Variants in GTF3C1 observed in about 807,000 individuals in gnomAD.
The protein encoded by GTF3C1 is general transcription factor IIIC subunit 1, also known as general transcription factor 3C polypeptide 1.
Under a neutral mutation model 226.7 loss-of-function variants are expected in GTF3C1, and 57 were observed. That is an observed-to-expected ratio of 0.25 (90% CI 0.20 to 0.31). The LOEUF (loss-of-function observed/expected upper bound fraction) is 0.31, where lower values mean the gene tolerates loss of function less well. Among genes scored for constraint, GTF3C1 ranks in the 10% least tolerant of loss-of-function variants. GTF3C1 has a pLI of 1.00. For synonymous variants in GTF3C1, 1,090 were observed against 1,084.8 expected (o/e 1.00, Z -0.09); for missense variants, 2,217 against 2,776.1 (o/e 0.80, Z 4.53).
chr16:27,509,853 G>A (rs560847931), intron 7 of GTF3C1, among the ~76,000 whole-genome samples: 43 of 152,138 alleles, frequency 2.8e-4, no homozygotes, highest in African/African-American at 9.6e-4. Flanking sequence ...CTGAATAAAG[G>A]AGGTTTTGCT....
chr16:27,480,756 C>G, intron 27 of GTF3C1: 1 of 288,262 alleles, frequency 3.5e-6, no homozygotes, highest in Non-Finnish European at 6.6e-6. Context: ...GGCCCTGGTA[C>G]TTACAAGCAC....
At position 27,526,496 on chromosome 16, in the gene GTF3C1, A is replaced by G. The variant is rs567354971; in HGVS notation, c.973+2102T>C. 1.4e-3 allele frequency among the ~76,000 whole-genome samples: 219 copies of G among 152,344 alleles called. 3 individuals are homozygous for G. The South Asian group carries it at 0.044, about 31-fold the overall frequency. On this transcript the variant is annotated intron_variant, in intron 6 of 36. Transcript: ENST00000356183. ...CTCTTACAGGATTGCAACTTCTCAC[A>G]CAGACCATTAACCAATTCTCTTGTT... is the stretch of plus-strand genomic sequence containing the variant.
At position 27,498,750 on chromosome 16, in the gene GTF3C1, G is replaced by A. The variant is rs899204307; in HGVS notation, c.2062-17C>T. ...CAGATCCACCTGGAGAGAGAGGTTG[G>A]AGCATCCCACAGGGTGAGGGAAGAG... On this transcript the variant is annotated splice_polypyrimidine_tract_variant and intron_variant, in intron 12 of 36. Transcript: ENST00000356183. 2.3e-6 allele frequency: 3 copies of A among 1,298,082 alleles called. No individual in the cohort carries two copies. The African/African-American group carries it at 4.4e-5, about 19-fold the overall frequency. 80.4% of individuals were successfully genotyped at this position (1,298,082 alleles called of 1,614,324 possible). A position where few individuals can be genotyped will look rare whatever the true frequency, so the allele number is the denominator to read the frequency against.
Position 27,533,388 on chromosome 16 carries a change from C to T in GTF3C1, c.753-1G>A. ...CATGAGGATGTCGTATTTGCTCCTC[C>T]TGCAAGAAACACCGAGCAATTCGTT... On this transcript the variant is annotated splice_acceptor_variant, in intron 4 of 36. Transcript: ENST00000356183. LOFTEE classifies it high-confidence loss of function. 1 of 1,553,010 alleles carries T rather than the reference C, an allele frequency of 6.4e-7. No homozygotes were observed. The highest frequency in any genetic ancestry group is 8.9e-7 in the Non-Finnish European group (1 of 1,124,342).
Position 27,528,613 on chromosome 16 carries a change from A to G in GTF3C1, c.958T>C (p.Cys320Arg). ...TCTGCATTACCTTTCTTTGTCTTACAAGGTCCACATTCAGGGTGGATCTCT... is the reference window on the plus strand; with the variant it reads ...TCTGCATTACCTTTCTTTGTCTTACGAGGTCCACATTCAGGGTGGATCTCT... ...LQEIHPECGPCKTKKGTDVMV... is the reference protein window; with the variant it reads ...LQEIHPECGPRKTKKGTDVMV... The change falls in exon 6 of 37, where the codon TGT becomes CGT. Residue 320 changes from cysteine (C) to arginine (R), a missense_variant. By Grantham distance (180) the Cys-to-Arg change is radical (BLOSUM62 -3). Around this residue, in one of 12 missense-constraint regions of GTF3C1, gnomAD observed 163 missense variants for 234.3 expected, o/e 0.70. Transcript: ENST00000356183. 3 of 1,612,560 alleles carry G rather than the reference A, an allele frequency of 1.9e-6. No homozygotes were observed. The highest frequency in any genetic ancestry group is 2.5e-6 in the Non-Finnish European group (3 of 1,178,622).
At chr16:27,540,876 T>C (rs953118972) in intron 2 of GTF3C1, among the ~76,000 whole-genome samples, 3 of 152,132 alleles carry the variant, frequency 2.0e-5, no homozygotes, top group Non-Finnish European at 2.9e-5. Flanking sequence ...CAAAGTTTCC[T>C]GTTGCCCAGG....
At chr16:27,511,975 A>G (rs1309154400) in intron 6 of GTF3C1, 74 bp from the exon 7 acceptor site, 2 of 1,505,792 alleles carry the variant, frequency 1.3e-6, no homozygotes, top group African/African-American at 2.7e-5. Flanking sequence ...GGGTTCTGAA[A>G]TATCACAGCA....
At chr16:27,501,454 A>C (rs952860587) in intron 11 of GTF3C1, 110 bp from the exon 12 acceptor site, 4 of 989,492 alleles carry the variant, frequency 4.0e-6, no homozygotes, top group Non-Finnish European at 6.2e-6. Flanking sequence ...ACAAGGAAGG[A>C]TCAAACGGGG....
At chr16:27,504,758 T>C (rs913971833) in intron 10 of GTF3C1, among the ~76,000 whole-genome samples, 4 of 150,928 alleles carry the variant, frequency 2.7e-5, no homozygotes, top group Non-Finnish European at 3.0e-5. Context: ...TACAAAAAAA[T>C]ACAAAAATTA....
At chr16:27,478,603 A>G in intron 27 of GTF3C1, 72 bp from the exon 28 acceptor site, 2 of 1,023,824 alleles carry the variant, frequency 2.0e-6, no homozygotes, top group Non-Finnish European at 3.1e-6. Flanking sequence ...TGCTGGCTCA[A>G]GATGGCCATT....
intron 32 of GTF3C1, chr16:27,465,926 A>C: frequency 4.0e-6 from 1 of 252,608 alleles, no homozygotes; most frequent in Non-Finnish European, 7.8e-6. Context: ...TCATGTACCC[A>C]CTGTTCCTTA....
Position 27,471,816 on chromosome 16 carries a change from C to T in GTF3C1, c.4458G>A (p.Leu1486=), listed in dbSNP as rs770814863. The change falls in exon 30 of 37, where the codon CTG becomes CTA. Residue 1486 remains leucine, a synonymous_variant. Coordinates refer to ENST00000356183, the MANE Select transcript of GTF3C1 (RefSeq NM_001520.4). This position sits in a 1 kb window ranked among gnomAD's most constrained non-coding sequence, Gnocchi z 5.0. The part of the protein sequence containing the change: ...LVNRRRVNHT[L]GPKKNRALPF... ...GGAGGGCCCGGTTCTTCTTGGGGCC[C>T]AGCGTGTGGTTGACCCGGCGCCGGT... 1.2e-6 allele frequency: 2 copies of T among 1,614,068 alleles called. No homozygotes were observed. The highest frequency in any genetic ancestry group is 2.2e-5 in the East Asian group (1 of 44,876).
intron 6 of GTF3C1, among the ~76,000 whole-genome samples, chr16:27,525,439 A>G (rs946128921): frequency 2.6e-5 from 4 of 152,240 alleles, no homozygotes; most frequent in Non-Finnish European, 4.4e-5. Context: ...GTTTTGCTCT[A>G]GGAAGGTTTC....
Position 27,516,793 on chromosome 16 carries a change from C to T in GTF3C1, c.974-4892G>A, listed in dbSNP as rs545343147. On this transcript the variant is annotated intron_variant, in intron 6 of 36. Coordinates refer to ENST00000356183, the MANE Select transcript of GTF3C1 (RefSeq NM_001520.4). ...GACTACAGACATACACCACCATGCTCGGATCTTTTTTTTATTTGTTGTAGA... is the reference window on the plus strand; with the variant it reads ...GACTACAGACATACACCACCATGCTTGGATCTTTTTTTTATTTGTTGTAGA... Among the ~76,000 whole-genome samples, 7 of 152,282 alleles carry T rather than the reference C, an allele frequency of 4.6e-5. 1 individual carries two copies. Among genetic ancestry groups the T allele is most frequent in the African/African-American group, 1.2e-4 (5 of 41,550 alleles).
At position 27,461,934 on chromosome 16, in the gene GTF3C1, G is replaced by C; in HGVS notation, c.6117+360C>G. The C allele has an allele frequency of 2.6e-6, 1 of 377,836 alleles. No homozygotes were observed. The highest frequency in any genetic ancestry group is 4.8e-6 in the Non-Finnish European group (1 of 206,786). The allele number at this position is 377,836 out of a possible 1,614,324, so 23.4% of individuals were successfully genotyped here. On this transcript the variant is annotated intron_variant, in intron 36 of 36. Coordinates refer to ENST00000356183, the MANE Select transcript of GTF3C1 (RefSeq NM_001520.4). The surrounding 1 kb of genome is among the most constrained non-coding windows in gnomAD (Gnocchi z 5.3). The stretch of plus-strand genomic sequence containing the variant: ...CTCAACTTCAAGCTCCTAGCTGCCA[G>C]AGGAGCTGGAGGCCCCAGGCACACA...
At chr16:27,482,423 T>C in intron 26 of GTF3C1, 1 of 454,240 alleles carries the variant, frequency 2.2e-6, no homozygotes, top group East Asian at 7.0e-5. Flanking sequence ...GCCTCCTCCC[T>C]GACCTCTGTG....
At position 27,537,971 on chromosome 16, in the gene GTF3C1, T is replaced by G. The variant is rs754552885; in HGVS notation, c.609-44A>C. On this transcript the variant is annotated intron_variant, in intron 3 of 36. Transcript: ENST00000356183. ...CATGTCATTTGCTTTGCTGGTAGTTTTATCAATGTATAGAGTCTCTCACTT... is the reference window on the plus strand; with the variant it reads ...CATGTCATTTGCTTTGCTGGTAGTTGTATCAATGTATAGAGTCTCTCACTT... 4 of 1,599,234 alleles carry G rather than the reference T, an allele frequency of 2.5e-6. No individual in the cohort carries two copies. In the African/African-American group the frequency reaches 5.4e-5, roughly 21 times the overall value.
At position 27,463,660 on chromosome 16, in the gene GTF3C1, T is replaced by A; in HGVS notation, c.5873-68A>T. 1.1e-6 allele frequency: 1 copy of A among 869,890 alleles called. No individual in the cohort carries two copies. The highest frequency in any genetic ancestry group is 1.3e-5 in the South Asian group (1 of 76,406). 53.9% of individuals were successfully genotyped at this position (869,890 alleles called of 1,614,324 possible). On this transcript the variant is annotated intron_variant, in intron 34 of 36. Transcript: ENST00000356183. This position sits in a 1 kb window ranked among gnomAD's most constrained non-coding sequence, Gnocchi z 4.9. ...GGAAGCCATCTCTGCCCTCCAACCT[T>A]CAGCATGGTACCTAGCATGAGCAGG...
chr16:27,515,734 C>A (rs1251629037), intron 6 of GTF3C1, among the ~76,000 whole-genome samples: 1 of 152,200 alleles, frequency 6.6e-6, no homozygotes. Context: ...TTCCGATCTG[C>A]AAAATGGGAT....
Sources: gnomAD v4.1 joint callset for allele counts (sites outside exome capture counted in the v4.1 genomes callset) on GRCh38, gnomAD v4.1.1 for gene constraint, gnomAD v4.1.1 regional missense constraint, Gnocchi (gnomAD v3.1) non-coding constraint, MANE v1.5 for transcripts, NCBI Gene and HGNC (gene_info 2026-07-23, HGNC 2026-07-21) for gene names.